NRL: variants seen among roughly 807,000 people sequenced by gnomAD.
NRL encodes the protein neural retina-specific leucine zipper protein.
In NRL, 16 loss-of-function variants were observed where a neutral mutation model predicts 12.5. That is an observed-to-expected ratio of 1.28 (90% CI 0.87 to 1.95). The LOEUF (loss-of-function observed/expected upper bound fraction) is 1.95. Ranked by LOEUF, NRL falls within the 30% of genes most tolerant of loss-of-function variation. NRL has a pLI of 0.00. For missense variants in NRL, 314 were observed against 325.8 expected, an observed-to-expected ratio of 0.96 and a Z score of 0.28; for synonymous variants, 142 against 150.9, an observed-to-expected ratio of 0.94 and a Z score of 0.43.
At chr14:24,102,950 C>T in intron 1 of NRL, 1 of 1,495,782 alleles carries the variant, frequency 6.7e-7, no homozygotes, top group Non-Finnish European at 9.2e-7. Flanking sequence ...TTAGGGCCTA[C>T]CTCCCTCCCT....
intron 1 of NRL, chr14:24,100,005 G>A: frequency 3.1e-6 from 5 of 1,614,154 alleles, no homozygotes; most frequent in Non-Finnish European, 4.2e-6. Flanking sequence ...GTCGACTCCG[G>A]GCCATCAACC....
intron 1 of NRL, chr14:24,103,258 G>A (rs1056203767): frequency 6.2e-7 from 1 of 1,609,426 alleles, no homozygotes; most frequent in Non-Finnish European, 8.5e-7. Flanking sequence ...ACACAAAGGT[G>A]AGCACCCTCA....
chr14:24,102,971 G>C, intron 1 of NRL: 5 of 1,414,378 alleles, frequency 3.5e-6, no homozygotes, highest in Non-Finnish European at 4.9e-6. Context: ...CTGATCCAGA[G>C]CCTCAGCCTG....
chr14:24,105,025 G>A (rs2037313765), intron 1 of NRL, among the ~76,000 whole-genome samples: 1 of 152,224 alleles, frequency 6.6e-6, no homozygotes. Flanking sequence ...GGGTCTCACA[G>A]CCTTCAGAGC....
rs567298055 is a variant in NRL, at chr14:24,080,522, G to A, written c.*714C>T. On this transcript the variant is annotated 3_prime_UTR_variant, in exon 3 of 3. Coordinates refer to ENST00000561028, the MANE Select transcript of NRL (RefSeq NM_001354768.3). ...AGCAGAAGTCGTCCAATCCACATGA[G>A]AATTAGATGAAGTAACACAAGTCCA... 1 of 152,774 alleles carries A rather than the reference G, an allele frequency of 6.5e-6. No individual in the cohort carries two copies. Among genetic ancestry groups the A allele is most frequent in the South Asian group, 2.1e-4 (1 of 4,826 alleles). The allele number at this position is 152,774 out of a possible 1,614,324, so 9.5% of individuals were successfully genotyped here.
At position 24,081,732 on chromosome 14, in the gene NRL, C is replaced by T. The variant is rs1027942003; in HGVS notation, c.382-164G>A. On this transcript the variant is annotated intron_variant, in intron 2 of 2. Coordinates refer to ENST00000561028, the MANE Select transcript of NRL (RefSeq NM_001354768.3). The surrounding 1 kb of genome is among the most constrained non-coding windows in gnomAD (Gnocchi z 4.4). The stretch of plus-strand genomic sequence containing the variant: ...CAGTCTGTTTCGGTCCAGAGCCCGC[C>T]CCAGGCCCCGACGCTCCCCGGGCCC... 1.3e-6 allele frequency: 2 copies of T among 1,523,230 alleles called. No individual in the cohort carries two copies. The highest frequency in any genetic ancestry group is 2.5e-5 in the East Asian group (1 of 40,548). 94.4% of individuals were successfully genotyped at this position (1,523,230 alleles called of 1,614,324 possible).
At chr14:24,100,249 G>A (rs754496960) in intron 1 of NRL, 5 of 1,610,710 alleles carry the variant, frequency 3.1e-6, no homozygotes, top group Non-Finnish European at 4.2e-6. Flanking sequence ...ACAGCCTCCA[G>A]GCCTCAGCAC....
Position 24,081,336 on chromosome 14 carries a change from A to C in NRL, c.614T>G (p.Val205Gly), listed in dbSNP as rs1199573777. The C allele has an allele frequency of 6.8e-7, 1 of 1,471,770 alleles. No homozygotes were observed. Among genetic ancestry groups the C allele is most frequent in the African/African-American group, 1.5e-5 (1 of 68,234 alleles). The allele number at this position is 1,471,770 out of a possible 1,614,324, so 91.2% of individuals were successfully genotyped here. A position where few individuals can be genotyped will look rare whatever the true frequency, so the allele number is the denominator to read the frequency against. The change falls in exon 3 of 3, where the codon GTG becomes GGG. Residue 205 changes from valine (V) to glycine (G), a missense_variant. Transcript: ENST00000561028. This position sits in a 1 kb window ranked among gnomAD's most constrained non-coding sequence, Gnocchi z 4.4. ...AAQLDALRAE[V>G]ARLARERDLY... ...ATCGCGCTCCCGGGCCAGGCGGGCC[A>C]CCTCGGCCCGCAGCGCGTCCAGCTG...
intron 1 of NRL, chr14:24,103,633 A>G: frequency 6.2e-7 from 1 of 1,614,120 alleles, no homozygotes; most frequent in South Asian, 1.1e-5. Flanking sequence ...CGTATCTTCC[A>G]TGTCAACTGG....
chr14:24,093,998 C>T (rs1024926728), intron 1 of NRL: 5 of 512,034 alleles, frequency 9.8e-6, no homozygotes, highest in Admixed American at 4.1e-5. Context: ...AGCTTGTTTG[C>T]CACCTAGTGT....
At chr14:24,107,643 GTC>G (rs1439700304) in intron 1 of NRL, among the ~76,000 whole-genome samples, 1 of 151,998 alleles carries the variant, frequency 6.6e-6, no homozygotes, top group Non-Finnish European at 1.5e-5. Context: ...TGTCTTTCAA[GTC>G]TCTATCAGTC....
At position 24,081,263 on chromosome 14, in the gene NRL, G is replaced by C. The variant is rs780957101; in HGVS notation, c.687C>G (p.Ser229=). 12 of 1,505,294 alleles carry C rather than the reference G, an allele frequency of 8.0e-6. No homozygotes were observed. The highest frequency in any genetic ancestry group is 8.9e-6 in the Non-Finnish European group (10 of 1,125,742). 93.2% of individuals were successfully genotyped at this position (1,505,294 alleles called of 1,614,324 possible). A position where few individuals can be genotyped will look rare whatever the true frequency, so the allele number is the denominator to read the frequency against. ...AGAGGAAGAGGTGGGAGGGGTCCCC[G>C]GACCCGGGGCCGCTCGAGGTTAGCC... ...CDRLTSSGPG[S]GDPSHLFL The change falls in exon 3 of 3, where the codon TCC becomes TCG. Residue 229 remains serine (S), a synonymous_variant. Transcript: ENST00000561028. This position sits in a 1 kb window ranked among gnomAD's most constrained non-coding sequence, Gnocchi z 4.4.
At position 24,114,840 on chromosome 14, in the gene NRL, G is replaced by A; in HGVS notation, c.-146C>T. On this transcript the variant is annotated 5_prime_UTR_variant, in exon 1 of 3. Transcript: ENST00000561028. ...ATGCGTGACGAGCGAAGCGCGTGAC[G>A]GAGGAGCGGTTGGCCAACGCAGTGG... The A allele has an allele frequency of 1.0e-6, 1 of 985,974 alleles. No individual in the cohort carries two copies. The highest frequency in any genetic ancestry group is 1.2e-6 in the Non-Finnish European group (1 of 829,970). The allele number at this position is 985,974 out of a possible 1,614,324, so 61.1% of individuals were successfully genotyped here. A position where few individuals can be genotyped will look rare whatever the true frequency, so the allele number is the denominator to read the frequency against.
At position 24,099,888 on chromosome 14, in the gene NRL, A is replaced by T; in HGVS notation, c.-28+14834T>A. ...CCGAGAGACAGCCTTTCCTCATCAG[A>T]TCTTGGGTCCATCTCAGGACAGGGG... On this transcript the variant is annotated intron_variant, in intron 1 of 2. Coordinates refer to ENST00000561028, the MANE Select transcript of NRL (RefSeq NM_001354768.3). 1.9e-6 allele frequency: 3 copies of T among 1,598,770 alleles called. No individual in the cohort carries two copies. In the South Asian group the frequency reaches 3.3e-5, roughly 18 times the overall value.
At chr14:24,106,870 A>C (rs1306735552) in intron 1 of NRL, among the ~76,000 whole-genome samples, 1 of 152,244 alleles carries the variant, frequency 6.6e-6, no homozygotes, top group Non-Finnish European at 1.5e-5. Context: ...GACTTGAGCC[A>C]GAGGTGCCTC....
At chr14:24,112,547 C>A (rs2037436825) in intron 1 of NRL, among the ~76,000 whole-genome samples, 1 of 112,346 alleles carries the variant, frequency 8.9e-6, no homozygotes, top group Non-Finnish European at 1.8e-5. Flanking sequence ...AAACAAACAA[C>A]CCCATCAAAA....
chr14:24,100,321 C>T (rs1243276822), intron 1 of NRL: 14 of 1,518,604 alleles, frequency 9.2e-6, no homozygotes, highest in South Asian at 1.3e-5. Flanking sequence ...CCAGGAGGCA[C>T]AGAAGTCATG....
chr14:24,084,690 T>C (rs1244525901), intron 1 of NRL: 1 of 985,346 alleles, frequency 1.0e-6, no homozygotes, highest in Non-Finnish European at 1.2e-6. Flanking sequence ...AGGTCATCTG[T>C]GGTCCTGAGG....
chr14:24,079,631 G>T lies in NRL; in HGVS notation c.*1605C>A, dbSNP rs2036218659. On this transcript the variant is annotated 3_prime_UTR_variant, in exon 3 of 3. Transcript: ENST00000561028. ...CAAGAACTGTGATGGGAAGAGAAGA[G>T]ACAGCTGGGGAGGGGGTGGAGAGAG... Among the ~76,000 whole-genome samples, 1 of 151,904 alleles carries T rather than the reference G, an allele frequency of 6.6e-6. No homozygotes were observed. Among genetic ancestry groups the T allele is most frequent in the Non-Finnish European group, 1.5e-5 (1 of 67,980 alleles).
Sources: gnomAD v4.1 joint callset for allele counts (sites outside exome capture counted in the v4.1 genomes callset) on GRCh38, gnomAD v4.1.1 for gene constraint, Gnocchi (gnomAD v3.1) non-coding constraint, MANE v1.5 for transcripts, NCBI Gene and HGNC (gene_info 2026-07-23, HGNC 2026-07-21) for gene names.